SZRD1: variants seen among roughly 807,000 people sequenced by gnomAD.
SZRD1 encodes SUZ RNA binding domain containing 1.
In SZRD1, 7 loss-of-function variants were observed where a neutral mutation model predicts 17.6. The observed-to-expected ratio is 0.40, with a 90% confidence interval of 0.23 to 0.75. The LOEUF is 0.75. Among genes scored for constraint, SZRD1 ranks in the 30% least tolerant of loss-of-function variants. The probability of loss-of-function intolerance (pLI) is 0.38; values close to 1 mark genes in which losing one functional copy is unlikely to be tolerated. For missense variants in SZRD1, 178 were observed against 201.8 expected (o/e 0.88, Z 0.71); for synonymous variants, 77 against 77.9 (o/e 0.99, Z 0.06).
At chr1:16,367,695 A>C (rs757049482) in intron 1 of SZRD1, 1 of 223,910 alleles carries the variant, frequency 4.5e-6, no homozygotes, top group Non-Finnish European at 8.9e-6. Flanking sequence ...CGGACACACC[A>C]TGTGGGTGGT....
intron 1 of SZRD1, 47 bp downstream of exon 1, chr1:16,367,355 G>A (rs1163660173): frequency 6.6e-7 from 1 of 1,512,926 alleles, no homozygotes; most frequent in Non-Finnish European, 9.0e-7. Flanking sequence ...GAGACCTGGC[G>A]TGAGGGGAGC....
At chr1:16,386,740 C>CTG (rs2085130081) in intron 1 of SZRD1, among the ~76,000 whole-genome samples, 1 of 152,148 alleles carries the variant, frequency 6.6e-6, no homozygotes, top group Non-Finnish European at 1.5e-5. Flanking sequence ...CCATCCCATT[C>CTG]TGTAATCTTA....
intron 1 of SZRD1, among the ~76,000 whole-genome samples, chr1:16,377,380 C>G (rs975229437): frequency 2.6e-5 from 4 of 152,020 alleles, no homozygotes; most frequent in African/African-American, 7.3e-5. Context: ...GTCAAGAGTT[C>G]AAGACCAGTC....
chr1:16,377,234 T>C (rs1370008344), intron 1 of SZRD1, among the ~76,000 whole-genome samples: 2 of 152,150 alleles, frequency 1.3e-5, no homozygotes, highest in African/African-American at 4.8e-5. Flanking sequence ...AGTGTCTTTG[T>C]TTCATCCTCC....
chr1:16,395,165 G>A lies in SZRD1; in HGVS notation c.*25G>A, dbSNP rs760565059. On this transcript the variant is annotated 3_prime_UTR_variant, in exon 4 of 4. Coordinates refer to ENST00000401088, the MANE Select transcript of SZRD1 (RefSeq NM_001114600.3). ...AATGCAGGCAAGAAAAGATGCCGCC[G>A]TTGCTGCCGTCACCGCCTCCTGGGT... The A allele has an allele frequency of 1.6e-5, 25 of 1,544,788 alleles. No homozygotes were observed. In the East Asian group the frequency reaches 1.8e-4, roughly 11 times the overall value.
intron 1 of SZRD1, among the ~76,000 whole-genome samples, chr1:16,388,624 C>CA (rs1430003416): frequency 7.0e-6 from 1 of 143,466 alleles, no homozygotes; most frequent in Non-Finnish European, 1.5e-5. Context: ...CATTATAAGG[C>CA]AAAAAAGATC....
intron 1 of SZRD1, chr1:16,387,812 A>G (rs1313209229): frequency 1.2e-5 from 5 of 409,514 alleles, no homozygotes. Context: ...GCAATAGACT[A>G]ATATGAGCTG....
At chr1:16,389,247 C>G (rs1171322429) in intron 1 of SZRD1, among the ~76,000 whole-genome samples, 3 of 115,030 alleles carry the variant, frequency 2.6e-5, no homozygotes, top group Non-Finnish European at 3.6e-5. Flanking sequence ...CCACGCCCGG[C>G]TAATTTTTTG....
rs761542612 is a variant in SZRD1, at chr1:16,395,256, AC to A, written c.*117del. On this transcript the variant is annotated 3_prime_UTR_variant, in exon 4 of 4. Transcript: ENST00000401088. ...TTGAGCAGAGGGAACGACCTGACTT[AC>A]TTGCACTGTGATCCCCCTTGCTCCG... 62 of 758,398 alleles carry A rather than the reference AC, an allele frequency of 8.2e-5. 2 individuals are homozygous for A. The South Asian group carries it at 8.3e-4, about 10-fold the overall frequency. The allele number at this position is 758,398 out of a possible 1,614,324, so 47.0% of individuals were successfully genotyped here.
At chr1:16,369,634 A>G (rs540644076) in intron 1 of SZRD1, 1 of 568,414 alleles carries the variant, frequency 1.8e-6, no homozygotes, top group South Asian at 2.1e-5. Flanking sequence ...CACGCCTGTA[A>G]TCCCAGCACT....
rs138769551 is a variant in SZRD1, at chr1:16,397,103, C to T, written c.*1963C>T. 2.6e-5 allele frequency: 4 copies of T among 152,380 alleles called. No individual in the cohort carries two copies. Among genetic ancestry groups the T allele is most frequent in the East Asian group, 1.9e-4 (1 of 5,190 alleles). 9.4% of individuals were successfully genotyped at this position (152,380 alleles called of 1,614,324 possible). A position where few individuals can be genotyped will look rare whatever the true frequency, so the allele number is the denominator to read the frequency against. Reference sequence around the variant, plus strand: ...GGTATAGAGGTAGTCCAGGTGGGAACGCCAGAAGTGCTGATTGCCCAGCCA... The same window carrying T: ...GGTATAGAGGTAGTCCAGGTGGGAATGCCAGAAGTGCTGATTGCCCAGCCA... On this transcript the variant is annotated 3_prime_UTR_variant, in exon 4 of 4. Transcript: ENST00000401088. This position sits in a 1 kb window ranked among gnomAD's most constrained non-coding sequence, Gnocchi z 5.4.
intron 1 of SZRD1, chr1:16,369,430 A>G: frequency 1.9e-6 from 2 of 1,063,188 alleles, no homozygotes; most frequent in South Asian, 1.3e-5. Context: ...GGCAGCATCC[A>G]TGATTCCATC....
chr1:16,393,310 A>G lies in SZRD1; in HGVS notation c.184A>G (p.Ile62Val), dbSNP rs200831917. ...LPAGPPPQIR[I>V]LKRPTSNGVV... ...CGCGGGGCCCCCTCCACAGATCCGCATCCTCAAGAGGCCCACCAGCAACGG... is the reference window on the plus strand; with the variant it reads ...CGCGGGGCCCCCTCCACAGATCCGCGTCCTCAAGAGGCCCACCAGCAACGG... The change falls in exon 3 of 4, where the codon ATC (isoleucine) becomes GTC (valine). Residue 62 changes from isoleucine (I) to valine (V), a missense_variant. By Grantham distance (29) the Ile-to-Val change is conservative (BLOSUM62 3). Transcript: ENST00000401088. This position sits in a 1 kb window ranked among gnomAD's most constrained non-coding sequence, Gnocchi z 5.6. The G allele has an allele frequency of 3.7e-6, 6 of 1,614,194 alleles. No individual in the cohort carries two copies. Among genetic ancestry groups the G allele is most frequent in the Non-Finnish European group, 5.1e-6 (6 of 1,180,030 alleles).
chr1:16,370,266 C>T (rs2082891779), intron 1 of SZRD1, among the ~76,000 whole-genome samples: 1 of 151,444 alleles, frequency 6.6e-6, no homozygotes, highest in Non-Finnish European at 1.5e-5. Flanking sequence ...TACTCCATTG[C>T]CCAGGCTGGA....
intron 1 of SZRD1, among the ~76,000 whole-genome samples, chr1:16,379,631 G>C (rs1012554573): frequency 7.2e-5 from 11 of 152,138 alleles, no homozygotes; most frequent in African/African-American, 2.7e-4. Flanking sequence ...GATCCAGATA[G>C]ATCCAGTTCA....
chr1:16,379,118 T>C (rs1029227381), intron 1 of SZRD1, among the ~76,000 whole-genome samples: 2 of 151,796 alleles, frequency 1.3e-5, no homozygotes, highest in Admixed American at 1.3e-4. Context: ...TAGGGTTCAG[T>C]TGTGTTTTGT....
chr1:16,395,382 AG>A lies in SZRD1; in HGVS notation c.*245del, dbSNP rs976749266. The A allele has an allele frequency of 7.9e-6, 4 of 509,050 alleles. No individual in the cohort carries two copies. Among genetic ancestry groups the A allele is most frequent in the African/African-American group, 7.7e-5 (4 of 51,758 alleles). The allele number at this position is 509,050 out of a possible 1,614,324, so 31.5% of individuals were successfully genotyped here. ...CAAGGGCTGTCCCAAGTCAATGGAA[AG>A]GGAAAGGGTGGGGGTTAGGGGAAGG... On this transcript the variant is annotated 3_prime_UTR_variant, in exon 4 of 4. Transcript: ENST00000401088.
intron 1 of SZRD1, among the ~76,000 whole-genome samples, chr1:16,376,983 T>G (rs2083014797): frequency 6.6e-6 from 1 of 152,030 alleles, no homozygotes; most frequent in African/African-American, 2.4e-5. Context: ...GGCAGGATTT[T>G]TAAATATTGA....
chr1:16,394,478 C>G (rs539631157), intron 3 of SZRD1, among the ~76,000 whole-genome samples: 1 of 152,176 alleles, frequency 6.6e-6, no homozygotes, highest in Non-Finnish European at 1.5e-5. Flanking sequence ...AGCACTCCCC[C>G]TGCCTACAAG....
Sources: allele counts gnomAD v4.1 joint callset (sites outside exome capture counted in the v4.1 genomes callset), GRCh38; gene constraint gnomAD v4.1.1; non-coding constraint Gnocchi (gnomAD v3.1); transcripts MANE v1.5; gene names NCBI Gene and HGNC (gene_info 2026-07-23, HGNC 2026-07-21).